The following TMEM117 variants were observed in gnomAD, a reference collection of about 807,000 sequenced individuals.
The protein encoded by TMEM117 is transmembrane protein 117.
In TMEM117, 27 loss-of-function variants were observed where a neutral mutation model predicts 52.4. That is an observed-to-expected ratio of 0.51 (90% CI 0.38 to 0.71). The LOEUF is 0.71. TMEM117 is among the 30% of genes least tolerant of loss of function. The pLI is 0.00. For missense variants in TMEM117, 556 were observed against 630.5 expected, an observed-to-expected ratio of 0.88 and a Z score of 1.26; for synonymous variants, 215 against 206.3, an observed-to-expected ratio of 1.04 and a Z score of -0.36.
At chr12:44,321,077 A>G (rs1337640510) in intron 6 of TMEM117, among the ~76,000 whole-genome samples, 1 of 152,152 alleles carries the variant, frequency 6.6e-6, no homozygotes, top group African/African-American at 2.4e-5. Context: ...TTTAAGATAA[A>G]TTTTCTATGT....
At chr12:44,339,167 G>A (rs73088684) in intron 6 of TMEM117, among the ~76,000 whole-genome samples, 5,167 of 152,066 alleles carry the variant, frequency 0.034, 107 homozygotes, top group Middle Eastern at 0.13. Context: ...CCATGTTCTT[G>A]GTTTGCCTAA....
At chr12:44,309,747 A>G (rs1238233887) in intron 6 of TMEM117, among the ~76,000 whole-genome samples, 4 of 151,378 alleles carry the variant, frequency 2.6e-5, no homozygotes, top group Non-Finnish European at 5.9e-5. Flanking sequence ...AGGCACACAG[A>G]TACAGTCTGG....
intron 6 of TMEM117, among the ~76,000 whole-genome samples, chr12:44,328,951 A>G (rs775618742): frequency 6.6e-6 from 1 of 151,918 alleles, no homozygotes; most frequent in Non-Finnish European, 1.5e-5. Flanking sequence ...GACAAATTAT[A>G]CTTCTCAGAA....
At chr12:43,962,819 T>C (rs988711695) in intron 3 of TMEM117, among the ~76,000 whole-genome samples, 4 of 151,854 alleles carry the variant, frequency 2.6e-5, no homozygotes, top group African/African-American at 7.3e-5. Context: ...TCCCAGCTAG[T>C]TGGGAGGCTG....
At chr12:43,928,257 G>A (rs1003742853) in intron 2 of TMEM117, among the ~76,000 whole-genome samples, 1 of 151,378 alleles carries the variant, frequency 6.6e-6, no homozygotes, top group African/African-American at 2.4e-5. Context: ...TCTTTTTTTG[G>A]TTCAACTCCA....
intron 2 of TMEM117, among the ~76,000 whole-genome samples, chr12:43,857,521 T>C (rs1943421922): frequency 6.6e-6 from 1 of 152,094 alleles, no homozygotes; most frequent in Admixed American, 6.6e-5. Flanking sequence ...ACCACTTCAC[T>C]ATTAGTGAGA....
At chr12:44,386,971 C>T (rs1222245250) in intron 7 of TMEM117, among the ~76,000 whole-genome samples, 1 of 151,880 alleles carries the variant, frequency 6.6e-6, no homozygotes, top group Non-Finnish European at 1.5e-5. Context: ...AATAATGTTA[C>T]TTCAAATACA....
In TMEM117 at chr12:44,178,731, G is replaced by GT. The variant is rs1265734186; in HGVS notation, c.511-32559_511-32558insT. Among the ~76,000 whole-genome samples the GT allele has an allele frequency of 4.3e-4, 57 of 131,404 alleles. 1 individual carries two copies. The South Asian group carries it at 7.1e-3, about 16-fold the overall frequency. The allele number at this position is 131,404 out of a possible 152,430, so 86.2% of individuals were successfully genotyped here. A position where few individuals can be genotyped will look rare whatever the true frequency, so the allele number is the denominator to read the frequency against. On this transcript the variant is annotated intron_variant, in intron 4 of 7. Coordinates refer to ENST00000266534, the MANE Select transcript of TMEM117 (RefSeq NM_032256.3). ...AAATTATGCAATTGTCTACATTATG[G>GT]GTTTTTTCCCCCTTTAAAAGGAGAT...
chr12:44,208,332 G>C (rs1034325567), intron 4 of TMEM117, among the ~76,000 whole-genome samples: 8 of 152,100 alleles, frequency 5.3e-5, no homozygotes, highest in Non-Finnish European at 8.8e-5. Flanking sequence ...GAGGAAAGGG[G>C]AAGGGAAGGA....
chr12:44,353,454 A>G (rs1049870534), intron 6 of TMEM117, among the ~76,000 whole-genome samples: 14 of 152,028 alleles, frequency 9.2e-5, no homozygotes, highest in African/African-American at 2.4e-4. Context: ...TCTTTAATCC[A>G]TCTTGAATTA....
chr12:44,098,154 A>G (rs937648425), intron 3 of TMEM117, among the ~76,000 whole-genome samples: 1 of 152,104 alleles, frequency 6.6e-6, no homozygotes, highest in African/African-American at 2.4e-5. Context: ...GGTGAGTTGA[A>G]TTCATTCAGC....
At chr12:44,200,068 G>A (rs1404544038) in intron 4 of TMEM117, among the ~76,000 whole-genome samples, 1 of 152,148 alleles carries the variant, frequency 6.6e-6, no homozygotes, top group South Asian at 2.1e-4. Flanking sequence ...GCAGTGAGCC[G>A]AGATCGTGCC....
At chr12:43,798,555 G>A in the TMEM117 span, 397 of 1,517,170 alleles carry the variant, frequency 2.6e-4, 3 homozygotes, top group Middle Eastern at 4.1e-3. Context: ...GAACATATGC[G>A]AATGCATACC....
At chr12:44,235,023 CT>C (rs1416375791) in intron 5 of TMEM117, among the ~76,000 whole-genome samples, 3 of 151,510 alleles carry the variant, frequency 2.0e-5, no homozygotes, top group Non-Finnish European at 4.4e-5. Flanking sequence ...CTTTTAGTTA[CT>C]GAGAGCTACA....
the TMEM117 span, among the ~76,000 whole-genome samples, chr12:44,396,122 C>T: frequency 2.0e-5 from 3 of 152,114 alleles, no homozygotes; most frequent in Non-Finnish European, 4.4e-5. Flanking sequence ...GCCAGCTTCT[C>T]TGGTTTTCTC....
chr12:43,838,252 G>C (rs769927815), intron 1 of TMEM117, among the ~76,000 whole-genome samples: 4 of 151,954 alleles, frequency 2.6e-5, no homozygotes, highest in Non-Finnish European at 5.9e-5. Flanking sequence ...GGACTGGTCT[G>C]TGTGTATGTG....
intron 6 of TMEM117, among the ~76,000 whole-genome samples, chr12:44,299,982 A>G (rs1950819200): frequency 6.6e-6 from 1 of 152,200 alleles, no homozygotes. Context: ...TAGAAACCAT[A>G]TAGCACATTG....
intron 5 of TMEM117, among the ~76,000 whole-genome samples, chr12:44,286,850 C>T (rs1388463708): frequency 6.6e-6 from 1 of 152,070 alleles, no homozygotes; most frequent in Non-Finnish European, 1.5e-5. Flanking sequence ...ATTTGTGCAG[C>T]TTTTTAGCTG....
At chr12:43,980,277 A>G (rs1215379866) in intron 3 of TMEM117, among the ~76,000 whole-genome samples, 1 of 152,124 alleles carries the variant, frequency 6.6e-6, no homozygotes, top group African/African-American at 2.4e-5. Context: ...GTGGAGTGGG[A>G]TCAAAGCAGC....
Sources: gnomAD v4.1 joint callset for allele counts (sites outside exome capture counted in the v4.1 genomes callset) on GRCh38, gnomAD v4.1.1 for gene constraint, MANE v1.5 for transcripts, NCBI Gene and HGNC (gene_info 2026-07-23, HGNC 2026-07-21) for gene names.